SYNE1: variants seen among roughly 807,000 people sequenced by gnomAD.
SYNE1 encodes spectrin repeat containing nuclear envelope protein 1.
A neutral mutation model predicts 1,111.0 loss-of-function variants in SYNE1; 616 were observed. The ratio of observed to expected loss-of-function variants is 0.55; its 90% confidence interval spans 0.52 to 0.59. SYNE1 has a LOEUF of 0.59. Ranked by LOEUF, SYNE1 falls within the 20% of genes least tolerant of loss-of-function variation. The pLI is 0.00. For missense variants in SYNE1, 10,006 were observed against 10,417.0 expected (o/e 0.96, Z 1.72); for synonymous variants, 3,855 against 3,825.8 (o/e 1.01, Z -0.28).
chr6:152,207,773 A>G (rs1455073232), intron 125 of SYNE1, among the ~76,000 whole-genome samples, 199 bp downstream of exon 125: 4 of 152,130 alleles, frequency 2.6e-5, no homozygotes, highest in African/African-American at 9.7e-5. Flanking sequence ...CCTTTGTGAG[A>G]GGCTGGGGCT....
intron 3 of SYNE1, among the ~76,000 whole-genome samples, chr6:152,578,292 A>G (rs1433620674): frequency 1.3e-5 from 2 of 152,152 alleles, no homozygotes. Context: ...CCACAATATA[A>G]TATGAAAACT....
intron 131 of SYNE1, among the ~76,000 whole-genome samples, 182 bp downstream of exon 131, chr6:152,163,981 C>T (rs1216053527): frequency 6.6e-6 from 1 of 152,154 alleles, no homozygotes; most frequent in African/African-American, 2.4e-5. Flanking sequence ...CTGAACTCTG[C>T]AGTGACATGG....
At chr6:152,170,138 AT>A (rs1731809802) in intron 130 of SYNE1, among the ~76,000 whole-genome samples, 2 of 152,058 alleles carry the variant, frequency 1.3e-5, no homozygotes, top group South Asian at 2.1e-4. Context: ...AAAATTTGAA[AT>A]TTTTTTCATG....
rs1163193721 is a variant in SYNE1 at position 152,484,860 on chromosome 6, T to G, written c.1160A>C (p.Gln387Pro). 3.7e-6 allele frequency: 6 copies of G among 1,613,904 alleles called. No individual in the cohort carries two copies. Reference protein sequence around the residue: ...KLSLDQALVKQSWDRVTSRLF... With the variant: ...KLSLDQALVKPSWDRVTSRLF... ...CCTGGAGGTCACTCTATCCCAAGAT[T>G]GTTTTACCAATGCTTGGTCAAGTGA... Residue 387 changes from glutamine (Q) to proline (P), a missense_variant, in exon 13 of 146, where the codon CAA becomes CCA. Physicochemically the swap from Gln to Pro is moderately conservative, Grantham distance 76. This residue lies in a region of SYNE1 where 1,971 missense variants were observed against 2,084.1 expected (regional missense o/e 0.95). Transcript: ENST00000367255.
intron 11 of SYNE1, among the ~76,000 whole-genome samples, chr6:152,495,728 T>C (rs1322987230): frequency 1.3e-5 from 2 of 152,106 alleles, no homozygotes; most frequent in Non-Finnish European, 2.9e-5. Context: ...AATTAGCCAA[T>C]TGAAATTAGT....
In SYNE1 at chr6:152,302,018, A is replaced by C. The variant is rs375120657; in HGVS notation, c.17392T>G (p.Leu5798Val). ...IKGYQEQIAS[L>V]NSKCKMLTMK... ...GTCAGCATCTTGCACTTGGAATTCA[A>C]AGAAGCGATCTGCTCCTGGTAGCCC... The change falls in exon 92 of 146, where the codon TTG becomes GTG. Residue 5798 changes from leucine (L) to valine (V), a missense_variant. Leu to Val is a conservative substitution (Grantham distance 32, BLOSUM62 1). Around this residue, in one of 7 missense-constraint regions of SYNE1, gnomAD observed 4,955 missense variants for 5,017.2 expected, o/e 0.99. Transcript: ENST00000367255. 7.4e-6 allele frequency: 12 copies of C among 1,614,142 alleles called. No homozygotes were observed. The highest frequency in any genetic ancestry group is 1.0e-5 in the Non-Finnish European group (12 of 1,180,060).
At chr6:152,363,787 C>G in intron 63 of SYNE1, 2 of 455,544 alleles carry the variant, frequency 4.4e-6, no homozygotes, top group Non-Finnish European at 8.8e-6. Context: ...GAGGGGCAGC[C>G]CTCAACTGCT....
chr6:152,525,338 T>C (rs1384802877), intron 5 of SYNE1, among the ~76,000 whole-genome samples: 2 of 152,200 alleles, frequency 1.3e-5, no homozygotes, highest in Admixed American at 6.6e-5. Flanking sequence ...AATTTTGGAC[T>C]CTGTGTCTAG....
chr6:152,164,690 A>T (rs1257109213), intron 130 of SYNE1, among the ~76,000 whole-genome samples: 1 of 152,180 alleles, frequency 6.6e-6, no homozygotes, highest in Non-Finnish European at 1.5e-5. Flanking sequence ...CCCTGTTAAG[A>T]GCCTGACATG....
chr6:152,133,273 T>G lies in SYNE1; in HGVS notation c.26001+3A>C. On this transcript the variant is annotated splice_donor_region_variant and intron_variant, in intron 143 of 145. Transcript: ENST00000367255. ...TACACGATGATGTCTGTTTATTGCT[T>G]ACCTGCTGACTACTTGACACGTCTA... 1 of 1,613,860 alleles carries G rather than the reference T, an allele frequency of 6.2e-7. No homozygotes were observed. The highest frequency in any genetic ancestry group is 8.5e-7 in the Non-Finnish European group (1 of 1,179,738).
At chr6:152,542,665 T>C (rs1404958757) in intron 3 of SYNE1, among the ~76,000 whole-genome samples, 1 of 152,280 alleles carries the variant, frequency 6.6e-6, no homozygotes, top group East Asian at 1.9e-4. Flanking sequence ...TAGTATACTA[T>C]GCCATTATAC....
At chr6:152,492,785 C>T (rs1051000548) in intron 11 of SYNE1, among the ~76,000 whole-genome samples, 8 of 152,132 alleles carry the variant, frequency 5.3e-5, no homozygotes, top group Non-Finnish European at 1.0e-4. Flanking sequence ...TTAATCAATA[C>T]GGAGGCTACC....
intron 117 of SYNE1, among the ~76,000 whole-genome samples, chr6:152,223,656 G>A (rs2080785236): frequency 6.6e-6 from 1 of 151,948 alleles, no homozygotes; most frequent in Non-Finnish European, 1.5e-5. Context: ...GAGAGGGGAA[G>A]GGAGGGGAGA....
In SYNE1 at chr6:152,330,406, T is replaced by A. The variant is rs768917366; in HGVS notation, c.14279A>T (p.His4760Leu). ...DKMLHLVTLY[H>L]RLKRQTEQRV... The stretch of plus-strand genomic sequence containing the variant: ...CTGTTCTGTTTGTCGCTTCAGCCTG[T>A]GATATAAGGTGACAAGGTGCAGCAT... Residue 4760 changes from histidine (H) to leucine (L), a missense_variant, in exon 78 of 146, where the codon CAC becomes CTC. Around this residue, in one of 7 missense-constraint regions of SYNE1, gnomAD observed 4,955 missense variants for 5,017.2 expected, o/e 0.99. Coordinates refer to ENST00000367255, the MANE Select transcript of SYNE1 (RefSeq NM_182961.4). 4.3e-6 allele frequency: 7 copies of A among 1,614,144 alleles called. No homozygotes were observed. The South Asian group carries it at 6.6e-5, about 15-fold the overall frequency.
In SYNE1 at chr6:152,327,581, A is replaced by G. The variant is rs77799978; in HGVS notation, c.14956-948T>C. On this transcript the variant is annotated intron_variant, in intron 78 of 145. Coordinates refer to ENST00000367255, the MANE Select transcript of SYNE1 (RefSeq NM_182961.4). ...CATAGAAAAGGTAGAGAAAGTACCCATAAGATGAGCACCAATTAGGGAAAG... is the reference window on the plus strand; with the variant it reads ...CATAGAAAAGGTAGAGAAAGTACCCGTAAGATGAGCACCAATTAGGGAAAG... Among the ~76,000 whole-genome samples, 1,041 of 152,336 alleles carry G rather than the reference A, an allele frequency of 6.8e-3. 9 individuals carry two copies. The highest frequency in any genetic ancestry group is 0.011 in the Non-Finnish European group (736 of 68,028).
At chr6:152,226,398 A>AGAC (rs1269913084) in intron 115 of SYNE1, among the ~76,000 whole-genome samples, 1 of 152,164 alleles carries the variant, frequency 6.6e-6, no homozygotes, top group Non-Finnish European at 1.5e-5. Context: ...GGAAATCAGA[A>AGAC]GACTGACTTC....
At chr6:152,514,558 T>G (rs2099101581) in intron 6 of SYNE1, among the ~76,000 whole-genome samples, 1 of 151,576 alleles carries the variant, frequency 6.6e-6, no homozygotes, top group Non-Finnish European at 1.5e-5. Flanking sequence ...CAAACCACCA[T>G]GGCATGTGTA....
intron 3 of SYNE1, among the ~76,000 whole-genome samples, chr6:152,564,700 GA>G (rs142639533): frequency 0.029 from 4,425 of 150,546 alleles, 213 homozygotes; most frequent in African/African-American, 0.1. Flanking sequence ...GATTTCTAGG[GA>G]AAAAAAAATC....
chr6:152,321,708 G>C lies in SYNE1; in HGVS notation c.16083+13C>G. On this transcript the variant is annotated intron_variant, in intron 83 of 145. Coordinates refer to ENST00000367255, the MANE Select transcript of SYNE1 (RefSeq NM_182961.4). Reference sequence around the variant, plus strand: ...AAATGATGGGTAAAGAGAATGAGGAGACTTTTTTGTACCTGAAGTTCTTCA... The same window carrying C: ...AAATGATGGGTAAAGAGAATGAGGACACTTTTTTGTACCTGAAGTTCTTCA... The C allele has an allele frequency of 1.2e-6, 2 of 1,613,944 alleles. No homozygotes were observed. The highest frequency in any genetic ancestry group is 1.7e-6 in the Non-Finnish European group (2 of 1,179,902).
Sources: gnomAD v4.1 joint callset for allele counts (sites outside exome capture counted in the v4.1 genomes callset) on GRCh38, gnomAD v4.1.1 for gene constraint, gnomAD v4.1.1 regional missense constraint, MANE v1.5 for transcripts, NCBI Gene and HGNC (gene_info 2026-07-23, HGNC 2026-07-21) for gene names.